SSH2: variants seen among roughly 807,000 people sequenced by gnomAD.
SSH2 encodes the protein slingshot protein phosphatase 2, also known as protein phosphatase Slingshot homolog 2.
In SSH2, 37 loss-of-function variants were observed where a neutral mutation model predicts 135.2. The observed-to-expected ratio is 0.27, with a 90% CI of 0.21 to 0.36. SSH2 has a LOEUF of 0.36. Ranked by LOEUF, SSH2 falls within the 10% of genes least tolerant of loss-of-function variation. SSH2 has a pLI of 1.00. For synonymous variants in SSH2, 628 were observed against 646.2 expected, an observed-to-expected ratio of 0.97 and a Z score of 0.43; for missense variants, 1,408 against 1,765.3, an observed-to-expected ratio of 0.80 and a Z score of 3.63.
At chr17:29,792,295 A>G (rs973512710) in intron 3 of SSH2, among the ~76,000 whole-genome samples, 2 of 152,186 alleles carry the variant, frequency 1.3e-5, no homozygotes, top group African/African-American at 4.8e-5. Context: ...GAACAACATT[A>G]TTCCAGTGGA....
intron 1 of SSH2, among the ~76,000 whole-genome samples, chr17:29,882,011 A>T (rs541990812): frequency 5.9e-5 from 9 of 152,364 alleles, no homozygotes; most frequent in African/African-American, 2.2e-4. Flanking sequence ...TAAGATGTAC[A>T]GGAAGTCATT....
At chr17:29,714,533 C>CT (rs1040653763) in intron 3 of SSH2, among the ~76,000 whole-genome samples, 1 of 152,116 alleles carries the variant, frequency 6.6e-6, no homozygotes. Context: ...CCTTGTCACT[C>CT]TTTTTTTAAC....
At chr17:29,754,765 C>T (rs935535123) in intron 3 of SSH2, among the ~76,000 whole-genome samples, 5 of 152,124 alleles carry the variant, frequency 3.3e-5, no homozygotes, top group African/African-American at 4.8e-5. Context: ...CTCTCTGGCT[C>T]ACACCATCCT....
chr17:29,812,884 G>C (rs1415028688), intron 2 of SSH2, among the ~76,000 whole-genome samples: 1 of 150,988 alleles, frequency 6.6e-6, no homozygotes, highest in Non-Finnish European at 1.5e-5. Flanking sequence ...GCAAGACTCC[G>C]TCACAAAAAC....
intron 1 of SSH2, among the ~76,000 whole-genome samples, chr17:29,902,047 A>C (rs1436982817): frequency 1.3e-5 from 2 of 151,960 alleles, no homozygotes; most frequent in East Asian, 3.9e-4. Context: ...TTGGCCTTCC[A>C]AAGTGTTGGG....
At chr17:29,744,319 G>A (rs1201102790) in intron 3 of SSH2, among the ~76,000 whole-genome samples, 1 of 152,152 alleles carries the variant, frequency 6.6e-6, no homozygotes, top group Admixed American at 6.5e-5. Context: ...GATGGGCTGG[G>A]GTCCCTCTCT....
intron 8 of SSH2, among the ~76,000 whole-genome samples, chr17:29,675,104 G>A (rs1241252306): frequency 6.6e-6 from 1 of 152,138 alleles, no homozygotes; most frequent in African/African-American, 2.4e-5. Flanking sequence ...TTAGTCAAAG[G>A]GGGTCATAAA....
At chr17:29,641,209 C>CCT (rs1360437439) in intron 14 of SSH2, among the ~76,000 whole-genome samples, 1 of 152,226 alleles carries the variant, frequency 6.6e-6, no homozygotes, top group African/African-American at 2.4e-5. Context: ...CCACGCCTGG[C>CCT]CTCATCATGT....
At chr17:29,754,736 G>C (rs1270942590) in intron 3 of SSH2, among the ~76,000 whole-genome samples, 1 of 151,866 alleles carries the variant, frequency 6.6e-6, no homozygotes, top group Non-Finnish European at 1.5e-5. Flanking sequence ...GCACCATCTC[G>C]GCTCACTGCA....
chr17:29,678,147 G>A (rs1373674555), intron 6 of SSH2, among the ~76,000 whole-genome samples: 1 of 149,356 alleles, frequency 6.7e-6, no homozygotes, highest in East Asian at 2.0e-4. Context: ...AGGCTGGAGT[G>A]CAGTGGTGCA....
At chr17:29,879,849 G>A (rs1268131638) in intron 1 of SSH2, among the ~76,000 whole-genome samples, 1 of 152,128 alleles carries the variant, frequency 6.6e-6, no homozygotes, top group Non-Finnish European at 1.5e-5. Flanking sequence ...TTAAGCTGGT[G>A]AAAGCAATGC....
chr17:29,736,786 CAAAAAAAAAAAAAAAAA>C (rs1194959594), intron 3 of SSH2, among the ~76,000 whole-genome samples: 1 of 10,206 alleles, frequency 9.8e-5, no homozygotes, highest in Non-Finnish European at 1.6e-4. Context: ...GACTCTGTCT[CAAAAAAAAAAAAAAAAA>C]AAAAAAAAAA....
rs535316344 is a variant in SSH2, at chr17:29,666,222, A to C, written c.1032+645T>G. The stretch of plus-strand genomic sequence containing the variant: ...ACCCCATCTCCACAAAAAATACAAA[A>C]ATTAGCTGGGGGCTGGTGGCACACG... On this transcript the variant is annotated intron_variant, in intron 11 of 15. Coordinates refer to ENST00000540801, the MANE Select transcript of SSH2 (RefSeq NM_001282129.2). 1.0e-3 allele frequency among the ~76,000 whole-genome samples: 155 copies of C among 152,126 alleles called. 1 individual carries two copies. Among genetic ancestry groups the C allele is most frequent in the South Asian group, 2.3e-3 (11 of 4,806 alleles).
In SSH2 at chr17:29,845,711, C is replaced by T. The variant is rs188763610; in HGVS notation, c.144+3138G>A. ...AGTAGCTAGGACTACAAGTATGTGC[C>T]ACCATGCCCGGCTAATTGTTTTATT... is the stretch of plus-strand genomic sequence containing the variant. On this transcript the variant is annotated intron_variant, in intron 2 of 15. Coordinates refer to ENST00000540801, the MANE Select transcript of SSH2 (RefSeq NM_001282129.2). Among the ~76,000 whole-genome samples, 132 of 152,018 alleles carry T rather than the reference C, an allele frequency of 8.7e-4. 1 individual carries two copies. The highest frequency in any genetic ancestry group is 2.8e-3 in the African/African-American group (118 of 41,446).
At chr17:29,809,799 C>T (rs1430621616) in intron 2 of SSH2, among the ~76,000 whole-genome samples, 2 of 152,068 alleles carry the variant, frequency 1.3e-5, no homozygotes, top group Non-Finnish European at 2.9e-5. Flanking sequence ...TCCGAGCAAT[C>T]CTTCCACCTC....
At chr17:29,748,926 T>TGC (rs1464202396) in intron 3 of SSH2, among the ~76,000 whole-genome samples, 1 of 152,198 alleles carries the variant, frequency 6.6e-6, no homozygotes, top group African/African-American at 2.4e-5. Context: ...CCTAGCAATA[T>TGC]GTTAAATGAA....
chr17:29,710,936 C>T (rs1426759644), intron 3 of SSH2, among the ~76,000 whole-genome samples: 2 of 152,164 alleles, frequency 1.3e-5, no homozygotes, highest in African/African-American at 4.8e-5. Context: ...ACATTCCCGC[C>T]CTACCCCTGC....
chr17:29,832,677 T>C (rs1212994135), intron 2 of SSH2, among the ~76,000 whole-genome samples: 2 of 152,120 alleles, frequency 1.3e-5, no homozygotes. Flanking sequence ...TCCAGTTTTT[T>C]CTTTTCTTTT....
intron 2 of SSH2, among the ~76,000 whole-genome samples, chr17:29,811,054 G>C (rs184090351): frequency 9.5e-4 from 145 of 152,180 alleles, no homozygotes; most frequent in African/African-American, 3.4e-3. Flanking sequence ...GGAGTGCGGT[G>C]GCACAATCTC....
Sources: allele counts gnomAD v4.1 joint callset (sites outside exome capture counted in the v4.1 genomes callset), GRCh38; gene constraint gnomAD v4.1.1; transcripts MANE v1.5; gene names NCBI Gene and HGNC (gene_info 2026-07-23, HGNC 2026-07-21).